Variants in RBPJ observed in about 807,000 individuals in gnomAD.
The protein encoded by RBPJ is recombining binding protein suppressor of hairless.
Under a neutral mutation model 67.8 loss-of-function variants are expected in RBPJ, and 9 were observed. The observed-to-expected ratio is 0.13, with a 90% CI of 0.08 to 0.23. RBPJ has a LOEUF of 0.23. RBPJ is among the 10% of genes least tolerant of loss of function. RBPJ has a pLI of 1.00. For synonymous variants in RBPJ, 198 were observed against 203.3 expected (o/e 0.97, Z 0.22); for missense variants, 305 against 595.6 (o/e 0.51, Z 5.08).
chr4:26,134,476 G>A, the RBPJ span, among the ~76,000 whole-genome samples: 38 of 152,342 alleles, frequency 2.5e-4, no homozygotes, highest in African/African-American at 8.4e-4. Flanking sequence ...CCTGAGAGTG[G>A]AGGACTGTCT....
intron 1 of RBPJ, among the ~76,000 whole-genome samples, chr4:26,347,043 C>T (rs1425847505): frequency 2.0e-5 from 3 of 151,952 alleles, no homozygotes; most frequent in Non-Finnish European, 2.9e-5. Flanking sequence ...GAAAAAAATT[C>T]TGATGCTTTA....
chr4:26,415,341 A>C, intron 3 of RBPJ, 134 bp from the exon 4 acceptor site: 1 of 747,082 alleles, frequency 1.3e-6, no homozygotes, highest in Non-Finnish European at 2.1e-6. Flanking sequence ...AAAAGGCTTC[A>C]CCAAAATTTT....
chr4:26,267,592 A>T (rs1720743620), intron 1 of RBPJ, among the ~76,000 whole-genome samples: 1 of 151,716 alleles, frequency 6.6e-6, no homozygotes, highest in Non-Finnish European at 1.5e-5. Context: ...ATATACATAT[A>T]TATGTAATTT....
intron 1 of RBPJ, among the ~76,000 whole-genome samples, chr4:26,244,240 T>TATATGTATACACAC (rs1560225972): frequency 9.5e-6 from 1 of 105,440 alleles, no homozygotes; most frequent in African/African-American, 3.7e-5. Context: ...TATGTGTCTA[T>TATATGTATACACAC]ATATGTGTAC....
intron 1 of RBPJ, among the ~76,000 whole-genome samples, chr4:26,282,712 G>C (rs1721316678): frequency 6.6e-6 from 1 of 151,684 alleles, no homozygotes; most frequent in African/African-American, 2.4e-5. Flanking sequence ...ATACAGACGA[G>C]GTTTCTCCAT....
the RBPJ span, among the ~76,000 whole-genome samples, chr4:26,128,888 A>C: frequency 1.3e-5 from 2 of 151,742 alleles, no homozygotes; most frequent in African/African-American, 4.8e-5. Flanking sequence ...CTTGGCTCTC[A>C]TTTTCTCTCT....
intron 1 of RBPJ, among the ~76,000 whole-genome samples, chr4:26,170,399 G>A (rs573874825): frequency 2.0e-5 from 3 of 152,082 alleles, no homozygotes; most frequent in East Asian, 1.9e-4. Flanking sequence ...AAATTAGCTG[G>A]GTATTGTGGT....
chr4:26,129,279 C>A, the RBPJ span, among the ~76,000 whole-genome samples: 11 of 152,134 alleles, frequency 7.2e-5, no homozygotes, highest in South Asian at 2.1e-4. Context: ...TCCATCCTAC[C>A]CTGCCGTGAA....
At chr4:26,204,401 G>T (rs1560209296) in intron 1 of RBPJ, among the ~76,000 whole-genome samples, 1 of 151,216 alleles carries the variant, frequency 6.6e-6, no homozygotes, top group Non-Finnish European at 1.5e-5. Flanking sequence ...CTCAGTAAAG[G>T]CTGTCAGAGT....
At chr4:26,210,727 C>CTTTCTTTCTTTCTTTCTTTCTTTA (rs1718371547) in intron 1 of RBPJ, among the ~76,000 whole-genome samples, 1 of 61,776 alleles carries the variant, frequency 1.6e-5, no homozygotes. Flanking sequence ...TTCTTTCTTT[C>CTTTCTTTCTTTCTTTCTTTCTTTA]CTTCTTTACT....
At chr4:26,192,802 T>C (rs1049680189) in intron 1 of RBPJ, among the ~76,000 whole-genome samples, 6 of 152,118 alleles carry the variant, frequency 3.9e-5, no homozygotes, top group African/African-American at 1.4e-4. Flanking sequence ...ATCACCATAA[T>C]AGGCAGGATA....
chr4:26,337,805 C>T (rs1485911198), intron 1 of RBPJ, among the ~76,000 whole-genome samples: 4 of 151,302 alleles, frequency 2.6e-5, no homozygotes, highest in Admixed American at 1.3e-4. Context: ...TCCTCCCTCA[C>T]CCTCCCCAGT....
intron 2 of RBPJ, among the ~76,000 whole-genome samples, chr4:26,390,140 AG>A (rs1439327139): frequency 6.6e-6 from 1 of 152,242 alleles, no homozygotes; most frequent in African/African-American, 2.4e-5. Flanking sequence ...CATGTAATTC[AG>A]TATATTAATA....
intron 1 of RBPJ, chr4:26,321,703 G>A (rs1723092172): frequency 6.6e-6 from 1 of 152,588 alleles, no homozygotes; most frequent in Non-Finnish European, 1.5e-5. Context: ...GTATGGTCCT[G>A]GATCACCCCC....
chr4:26,386,691 GC>G (rs1730952814), intron 2 of RBPJ, among the ~76,000 whole-genome samples: 1 of 152,252 alleles, frequency 6.6e-6, no homozygotes, highest in Non-Finnish European at 1.5e-5. Flanking sequence ...GCTATGGTTA[GC>G]CCATCACAAT....
chr4:26,313,711 C>T (rs914106105), intron 1 of RBPJ, among the ~76,000 whole-genome samples: 1 of 151,716 alleles, frequency 6.6e-6, no homozygotes, highest in East Asian at 1.9e-4. Context: ...TGGCATGTAC[C>T]TGTAATCCCA....
At chr4:26,211,338 G>A (rs754255122) in intron 1 of RBPJ, among the ~76,000 whole-genome samples, 15 of 152,108 alleles carry the variant, frequency 9.9e-5, no homozygotes, top group Non-Finnish European at 1.6e-4. Context: ...GTACTGTGTC[G>A]TCCATAAACC....
intron 3 of RBPJ, among the ~76,000 whole-genome samples, chr4:26,411,878 C>T (rs1364661385): frequency 4.6e-5 from 7 of 150,980 alleles, no homozygotes; most frequent in Non-Finnish European, 8.8e-5. Flanking sequence ...GAGGCCGAGG[C>T]GGGCGGATCA....
At chr4:26,332,940 T>C (rs1472714673) in intron 1 of RBPJ, among the ~76,000 whole-genome samples, 3 of 152,240 alleles carry the variant, frequency 2.0e-5, no homozygotes, top group Admixed American at 6.5e-5. Flanking sequence ...TGAGCCACCA[T>C]GCCTGGCCTC....
Sources: allele counts gnomAD v4.1 joint callset (sites outside exome capture counted in the v4.1 genomes callset), GRCh38; gene constraint gnomAD v4.1.1; transcripts MANE v1.5; gene names NCBI Gene and HGNC (gene_info 2026-07-23, HGNC 2026-07-21).